Variants in NBEA observed in about 807,000 individuals in gnomAD.
The protein encoded by NBEA is lysosomal-trafficking regulator 2.
NBEA carries 44 observed loss-of-function variants against 343.4 expected under a neutral mutation model. That is an observed-to-expected ratio of 0.13 (90% CI 0.10 to 0.16). The LOEUF is 0.16. NBEA is among the 10% of genes least tolerant of loss of function. The probability of loss-of-function intolerance (pLI) is 1.00; values close to 1 mark genes in which losing one functional copy is unlikely to be tolerated. For missense variants in NBEA, 2,555 were observed against 3,631.3 expected, an observed-to-expected ratio of 0.70 and a Z score of 7.62; for synonymous variants, 1,175 against 1,238.7, an observed-to-expected ratio of 0.95 and a Z score of 1.08.
chr13:35,633,681 C>A (rs1042499901), intron 49 of NBEA, among the ~76,000 whole-genome samples: 6 of 151,776 alleles, frequency 4.0e-5, no homozygotes, highest in African/African-American at 1.5e-4. Flanking sequence ...AGAGATGATA[C>A]CTAATTCATG....
chr13:35,139,743 C>CA (rs1566350012), intron 17 of NBEA, among the ~76,000 whole-genome samples: 1 of 55,144 alleles, frequency 1.8e-5, no homozygotes, highest in African/African-American at 7.8e-5. Context: ...TGATGGATGG[C>CA]GTTTTTTTTT....
intron 41 of NBEA, among the ~76,000 whole-genome samples, chr13:35,533,762 A>T (rs1014481186): frequency 6.6e-6 from 1 of 152,180 alleles, no homozygotes; most frequent in African/African-American, 2.4e-5. Flanking sequence ...TTATTTATTT[A>T]CTAAACATGC....
intron 6 of NBEA, among the ~76,000 whole-genome samples, chr13:35,052,723 T>C (rs1487462771): frequency 6.6e-6 from 1 of 151,952 alleles, no homozygotes; most frequent in African/African-American, 2.4e-5. Flanking sequence ...CAGTTTGGTG[T>C]ACCAAGGAAA....
intron 18 of NBEA, among the ~76,000 whole-genome samples, chr13:35,146,772 G>A (rs967489412): frequency 5.3e-5 from 8 of 152,152 alleles, no homozygotes; most frequent in Admixed American, 2.6e-4. Context: ...TGGGCCTGCT[G>A]CTGTCTCATT....
chr13:35,040,754 C>T (rs1171257770), intron 1 of NBEA, among the ~76,000 whole-genome samples, 179 bp from the exon 2 acceptor site: 3 of 152,106 alleles, frequency 2.0e-5, no homozygotes, highest in African/African-American at 4.8e-5. Context: ...TTGCTAGTTT[C>T]GATGCTCACA....
intron 1 of NBEA, among the ~76,000 whole-genome samples, chr13:35,011,985 A>G (rs183045332): frequency 8.1e-4 from 124 of 152,296 alleles, no homozygotes; most frequent in African/African-American, 3.0e-3. Flanking sequence ...GCATAGTGCC[A>G]GTGAAGTTGA....
At chr13:35,321,408 G>C (rs373514800) in intron 36 of NBEA, among the ~76,000 whole-genome samples, 1 of 152,274 alleles carries the variant, frequency 6.6e-6, no homozygotes, top group South Asian at 2.1e-4. Context: ...GTTTGCCTGG[G>C]TATCACCAGC....
Position 35,159,382 on chromosome 13 carries a change from C to T in NBEA, c.3211C>T (p.Leu1071Phe). The T allele has an allele frequency of 6.2e-7, 1 of 1,613,372 alleles. No individual in the cohort carries two copies. The highest frequency in any genetic ancestry group is 8.5e-7 in the Non-Finnish European group (1 of 1,179,648). Reference sequence around the variant, plus strand: ...GAAAGTGGAAGCAACAGAAGTAAAGCTCGATGATATGGATTTATCACCGGA... The same window carrying T: ...GAAAGTGGAAGCAACAGAAGTAAAGTTCGATGATATGGATTTATCACCGGA... ...AEKVEATEVK[L>F]DDMDLSPETL... The change falls in exon 22 of 59, where the codon CTC becomes TTC. Residue 1071 changes from leucine (L) to phenylalanine (F), a missense_variant. Leu to Phe is a conservative substitution (Grantham distance 22). Transcript: ENST00000379939.
intron 41 of NBEA, among the ~76,000 whole-genome samples, chr13:35,503,442 T>C (rs1196634041): frequency 6.6e-6 from 1 of 151,876 alleles, no homozygotes; most frequent in Non-Finnish European, 1.5e-5. Flanking sequence ...TCTATATCAA[T>C]AAGTATTGAT....
At position 35,484,286 on chromosome 13, in the gene NBEA, A is replaced by G. The variant is rs1353735568; in HGVS notation, c.6585+11750A>G. Among the ~76,000 whole-genome samples, 598 of 149,918 alleles carry G rather than the reference A, an allele frequency of 4.0e-3. 3 individuals carry two copies. Among genetic ancestry groups the G allele is most frequent in the African/African-American group, 0.012 (492 of 40,648 alleles). On this transcript the variant is annotated intron_variant, in intron 41 of 58. Coordinates refer to ENST00000379939, the MANE Select transcript of NBEA (RefSeq NM_001385012.1). ...TGTGTGTGTGTGTGTATATATATAT[A>G]TATATATGTAGACCCTCACTAATTT...
At chr13:35,315,047 G>A (rs2037627580) in intron 36 of NBEA, among the ~76,000 whole-genome samples, 1 of 152,082 alleles carries the variant, frequency 6.6e-6, no homozygotes, top group Non-Finnish European at 1.5e-5. Context: ...TTTTATACAT[G>A]CTTTTATCCC....
intron 18 of NBEA, among the ~76,000 whole-genome samples, chr13:35,144,926 G>A (rs184418728): frequency 6.6e-6 from 1 of 152,200 alleles, no homozygotes; most frequent in Admixed American, 6.5e-5. Flanking sequence ...AGCTATTAAA[G>A]GTCGAAGGAA....
chr13:35,543,139 T>C (rs2078910580), intron 41 of NBEA, among the ~76,000 whole-genome samples: 1 of 152,168 alleles, frequency 6.6e-6, no homozygotes, highest in Non-Finnish European at 1.5e-5. Context: ...ACAGCATAAA[T>C]ATATTGTGAA....
chr13:35,354,479 G>A (rs756794076), intron 38 of NBEA, among the ~76,000 whole-genome samples: 6 of 152,040 alleles, frequency 3.9e-5, no homozygotes, highest in African/African-American at 7.2e-5. Context: ...TGTCAGATGC[G>A]TCCTGTGCTA....
At chr13:35,653,254 T>A (rs1008976994) in intron 53 of NBEA, among the ~76,000 whole-genome samples, 10 of 151,866 alleles carry the variant, frequency 6.6e-5, no homozygotes, top group African/African-American at 2.2e-4. Flanking sequence ...GTAAGATAAA[T>A]TAGAAAAAAA....
chr13:35,498,146 T>C (rs1271676764), intron 41 of NBEA, among the ~76,000 whole-genome samples: 2 of 152,074 alleles, frequency 1.3e-5, no homozygotes. Context: ...AAGTATTACT[T>C]GCTTATAAGG....
chr13:35,498,592 T>C (rs1381475), intron 41 of NBEA, among the ~76,000 whole-genome samples: 96,780 of 151,872 alleles, frequency 0.64, 30,999 homozygotes, highest in Admixed American at 0.7. Context: ...AAACAAAGTG[T>C]CCCAGTCTCT....
chr13:35,018,548 G>A (rs1028608396), intron 1 of NBEA, among the ~76,000 whole-genome samples: 34 of 151,722 alleles, frequency 2.2e-4, no homozygotes, highest in Non-Finnish European at 7.4e-5. Flanking sequence ...ATTGTTCTTT[G>A]CCAGTATAAA....
chr13:34,957,625 A>G (rs1284523610), intron 1 of NBEA, among the ~76,000 whole-genome samples: 1 of 152,022 alleles, frequency 6.6e-6, no homozygotes, highest in Admixed American at 6.6e-5. Context: ...TAAAGCAAAA[A>G]CTTCTATTTA....
Sources: gnomAD v4.1 joint callset for allele counts (sites outside exome capture counted in the v4.1 genomes callset) on GRCh38, gnomAD v4.1.1 for gene constraint, MANE v1.5 for transcripts, NCBI Gene and HGNC (gene_info 2026-07-23, HGNC 2026-07-21) for gene names.